Variants in GPC4 observed in about 807,000 individuals in gnomAD.
The protein encoded by GPC4 is glypican-4.
GPC4 carries 10 observed loss-of-function variants against 35.0 expected under a neutral mutation model. The ratio of observed to expected loss-of-function variants is 0.29; its 90% CI spans 0.18 to 0.48. The LOEUF (loss-of-function observed/expected upper bound fraction) is 0.48, where lower values mean the gene tolerates loss of function less well. Ranked by LOEUF, GPC4 falls within the 20% of genes least tolerant of loss-of-function variation. The pLI, the probability that GPC4 is intolerant of heterozygous loss-of-function variation, is 0.99. For missense variants in GPC4, 322 were observed against 451.3 expected, an observed-to-expected ratio of 0.71 and a Z score of 2.60; for synonymous variants, 167 against 170.2, an observed-to-expected ratio of 0.98 and a Z score of 0.15.
At chrX:133,404,383 T>C (rs1048956215) in intron 1 of GPC4, among the ~76,000 whole-genome samples, 2 of 105,325 alleles carry the variant, frequency 1.9e-5, no homozygotes, top group African/African-American at 7.0e-5. Flanking sequence ...CCGTCTCTAC[T>C]AAAAAATACA....
chrX:133,394,763 T>C (rs1174857905), intron 1 of GPC4, among the ~76,000 whole-genome samples: 4 of 111,750 alleles, frequency 3.6e-5, no homozygotes, highest in Non-Finnish European at 7.5e-5. Flanking sequence ...AAGAGTTTGA[T>C]TCTTTAGTCT....
intron 1 of GPC4, among the ~76,000 whole-genome samples, chrX:133,376,378 A>G (rs902278208): frequency 8.9e-6 from 1 of 112,378 alleles, no homozygotes; most frequent in African/African-American, 3.2e-5. Flanking sequence ...TTAAGTCCCC[A>G]TATCTGACAT....
chrX:133,340,564 G>C (rs752137061), intron 1 of GPC4, among the ~76,000 whole-genome samples: 27 of 111,962 alleles, frequency 2.4e-4, no homozygotes, highest in African/African-American at 8.1e-4. Flanking sequence ...GGAATTAAAA[G>C]CTAATCATTC....
chrX:133,306,754 C>T, intron 4 of GPC4, among the ~76,000 whole-genome samples: 1 of 112,035 alleles, frequency 8.9e-6, no homozygotes, highest in Non-Finnish European at 1.9e-5. Flanking sequence ...TTAAGAAAAA[C>T]TTCTCATTGC....
intron 1 of GPC4, among the ~76,000 whole-genome samples, chrX:133,410,577 TG>T (rs2068808400): frequency 8.9e-6 from 1 of 111,982 alleles, no homozygotes; most frequent in Non-Finnish European, 1.9e-5. Context: ...TTAATGTCAT[TG>T]GGGAGCCAGA....
chrX:133,345,762 G>A (rs2068489298), intron 1 of GPC4, among the ~76,000 whole-genome samples: 1 of 111,976 alleles, frequency 8.9e-6, no homozygotes, highest in Admixed American at 9.5e-5. Flanking sequence ...TGATCAATTT[G>A]CAAATCATTC....
rs777237716 is a variant in GPC4 at position 133,331,939 on chromosome X, T to C, written c.319+7244A>G. On this transcript the variant is annotated intron_variant, in intron 2 of 8. Coordinates refer to ENST00000370828, the MANE Select transcript of GPC4 (RefSeq NM_001448.3). ...TTTCTTGATTTTGTTCCCCCAGATATTTCAGTGACATTTTATAATCAGAAA... is the reference window on the plus strand; with the variant it reads ...TTTCTTGATTTTGTTCCCCCAGATACTTCAGTGACATTTTATAATCAGAAA... 7.2e-5 allele frequency among the ~76,000 whole-genome samples: 8 copies of C among 110,984 alleles called. No homozygotes were observed. In the East Asian group the frequency reaches 1.7e-3, roughly 24 times the overall value.
At chrX:133,400,324 GAGA>G (rs1176760420) in intron 1 of GPC4, among the ~76,000 whole-genome samples, 4 of 112,276 alleles carry the variant, frequency 3.6e-5, no homozygotes, top group Non-Finnish European at 5.6e-5. Flanking sequence ...CCTAGAAAAT[GAGA>G]AGGCCTTATA....
rs1303111473 is a variant in GPC4, at chrX:133,307,381, C to T, written c.878-1227G>A. ...CACCTTCAACCTAGAACAAATGCTA[C>T]ACAACATTTTAATGCACGGGGTCAT... On this transcript the variant is annotated intron_variant, in intron 4 of 8. Coordinates refer to ENST00000370828, the MANE Select transcript of GPC4 (RefSeq NM_001448.3). 3.6e-5 allele frequency among the ~76,000 whole-genome samples: 4 copies of T among 112,309 alleles called. No homozygotes were observed. In the Admixed American group the frequency reaches 3.8e-4, roughly 11 times the overall value.
intron 2 of GPC4, 38 bp downstream of exon 2, chrX:133,339,145 C>T (rs1357808271): frequency 5.8e-6 from 7 of 1,198,190 alleles, no homozygotes; most frequent in Admixed American, 2.2e-5. Flanking sequence ...CAGTACAGAC[C>T]TAACTGCCGG....
intron 1 of GPC4, among the ~76,000 whole-genome samples, chrX:133,408,402 G>T (rs923492969): frequency 8.9e-6 from 1 of 112,197 alleles, no homozygotes; most frequent in African/African-American, 3.2e-5. Context: ...ATTCTTTAAA[G>T]AAGTGTATCT....
intron 1 of GPC4, among the ~76,000 whole-genome samples, chrX:133,396,038 G>A (rs1030005972): frequency 1.8e-5 from 2 of 111,714 alleles, no homozygotes; most frequent in Admixed American, 1.9e-4. Context: ...GGTATTAGAA[G>A]AAATCTCCAA....
rs201805518 is a variant in GPC4, at chrX:133,307,083, GACAA to G, written c.878-933_878-930del. Among the ~76,000 whole-genome samples, 1,011 of 112,294 alleles carry G rather than the reference GACAA, an allele frequency of 9.0e-3. 13 individuals are homozygous for G. Among genetic ancestry groups the G allele is most frequent in the African/African-American group, 0.031 (963 of 30,964 alleles). ...ATGACAAAAAGGATGCTTCATTAAC[GACAA>G]ACAGTGAACTTTTAAACTTGTTTAT... On this transcript the variant is annotated intron_variant, in intron 4 of 8. Coordinates refer to ENST00000370828, the MANE Select transcript of GPC4 (RefSeq NM_001448.3).
chrX:133,334,007 T>C (rs1381876446), intron 2 of GPC4, among the ~76,000 whole-genome samples: 13 of 112,060 alleles, frequency 1.2e-4, no homozygotes, highest in African/African-American at 3.6e-4. Flanking sequence ...AGGTAGAAAA[T>C]AGTTAAAGTC....
At chrX:133,359,168 G>A (rs960923273) in intron 1 of GPC4, among the ~76,000 whole-genome samples, 4 of 111,154 alleles carry the variant, frequency 3.6e-5, no homozygotes, top group Non-Finnish European at 7.5e-5. Context: ...TGATGGGAGA[G>A]GAAAAGTACA....
Position 133,415,085 on chromosome X carries a change from T to C in GPC4, c.-120A>G, listed in dbSNP as rs2068832615. 1 of 715,460 alleles carries C rather than the reference T, an allele frequency of 1.4e-6. No homozygotes were observed. Among genetic ancestry groups the C allele is most frequent in the South Asian group, 2.8e-5 (1 of 35,438 alleles). 59.0% of individuals were successfully genotyped at this position (715,460 alleles called of 1,213,427 possible). On this transcript the variant is annotated 5_prime_UTR_variant, in exon 1 of 9. Coordinates refer to ENST00000370828, the MANE Select transcript of GPC4 (RefSeq NM_001448.3). Reference sequence around the variant, plus strand: ...CGAGTGGAGCTGGAGGGAGAAGGAGTTGGAGTTGGTGGAAGAGGCGAGCAG... The same window carrying C: ...CGAGTGGAGCTGGAGGGAGAAGGAGCTGGAGTTGGTGGAAGAGGCGAGCAG...
intron 3 of GPC4, among the ~76,000 whole-genome samples, chrX:133,323,712 G>A (rs182040443): frequency 1.1e-4 from 12 of 112,221 alleles, no homozygotes; most frequent in African/African-American, 3.9e-4. Flanking sequence ...TATGCTCACA[G>A]AGATTAAATG....
chrX:133,399,701 G>A (rs2068760255), intron 1 of GPC4, among the ~76,000 whole-genome samples: 1 of 111,811 alleles, frequency 8.9e-6, no homozygotes, highest in Admixed American at 9.5e-5. Flanking sequence ...GGGAACTTTT[G>A]CACTAAAACC....
At chrX:133,308,251 G>A (rs1449226719) in intron 4 of GPC4, among the ~76,000 whole-genome samples, 1 of 111,888 alleles carries the variant, frequency 8.9e-6, no homozygotes, top group African/African-American at 3.2e-5. Flanking sequence ...TTGTTTGCGG[G>A]ATATCTGACT....
Sources: allele counts gnomAD v4.1 joint callset (sites outside exome capture counted in the v4.1 genomes callset), GRCh38; gene constraint gnomAD v4.1.1; transcripts MANE v1.5; gene names NCBI Gene and HGNC (gene_info 2026-07-23, HGNC 2026-07-21).